Variants in ADGRL3 observed in about 807,000 individuals in gnomAD.
ADGRL3 encodes adhesion G protein-coupled receptor L3, also known as calcium-independent alpha-latrotoxin receptor 3.
Under a neutral mutation model 153.5 loss-of-function variants are expected in ADGRL3, and 62 were observed. The observed-to-expected ratio is 0.40, with a 90% CI of 0.33 to 0.50. ADGRL3 has a LOEUF of 0.50. Among genes scored for constraint, ADGRL3 ranks in the 20% least tolerant of loss-of-function variants. The pLI, the probability that ADGRL3 is intolerant of heterozygous loss-of-function variation, is 0.47. For synonymous variants in ADGRL3, 710 were observed against 672.5 expected, an observed-to-expected ratio of 1.06 and a Z score of -0.86; for missense variants, 1,641 against 1,859.4, an observed-to-expected ratio of 0.88 and a Z score of 2.16.
chr4:61,958,225 AT>A (rs2098974781), intron 17 of ADGRL3, among the ~76,000 whole-genome samples: 2 of 151,832 alleles, frequency 1.3e-5, no homozygotes, highest in Admixed American at 6.6e-5. Flanking sequence ...ATATAAAATA[AT>A]TTTTTTTGAC....
At chr4:61,258,308 A>C (rs2092189745) in intron 1 of ADGRL3, among the ~76,000 whole-genome samples, 2 of 152,276 alleles carry the variant, frequency 1.3e-5, no homozygotes, top group African/African-American at 4.8e-5. Flanking sequence ...AATCCTCTCT[A>C]CATACAGCTC....
chr4:61,559,216 C>T (rs918264285), intron 4 of ADGRL3, among the ~76,000 whole-genome samples: 2 of 152,032 alleles, frequency 1.3e-5, no homozygotes, highest in Admixed American at 6.6e-5. Context: ...ATCATCATCA[C>T]GACCACCACC....
In ADGRL3 at chr4:61,460,794, C is replaced by A. The variant is rs185306716; in HGVS notation, c.-173-36327C>A. ...TTATAAAACCATCAGATCGGCCAGG[C>A]GCAGTGGCTCATGCCTGTAATCCCA... is the stretch of plus-strand genomic sequence containing the variant. On this transcript the variant is annotated intron_variant, in intron 2 of 26. Transcript: ENST00000683033. Among the ~76,000 whole-genome samples the A allele has an allele frequency of 1.9e-3, 291 of 152,194 alleles. 1 individual carries two copies. The highest frequency in any genetic ancestry group is 3.4e-3 in the Middle Eastern group (1 of 294).
chr4:61,863,397 C>T (rs2098367638), intron 9 of ADGRL3, among the ~76,000 whole-genome samples: 2 of 151,362 alleles, frequency 1.3e-5, no homozygotes, highest in African/African-American at 4.9e-5. Context: ...GCCACTACGC[C>T]CGGCTAATTT....
intron 8 of ADGRL3, among the ~76,000 whole-genome samples, chr4:61,761,728 G>A (rs1055205719): frequency 1.1e-4 from 17 of 152,296 alleles, no homozygotes; most frequent in South Asian, 4.1e-4. Flanking sequence ...CCAGAAGTTC[G>A]ATACCAGCCT....
intron 1 of ADGRL3, among the ~76,000 whole-genome samples, chr4:61,378,285 T>C (rs954774892): frequency 6.6e-6 from 1 of 151,964 alleles, no homozygotes; most frequent in East Asian, 1.9e-4. Flanking sequence ...TTTTGTCCAG[T>C]TTTATCATTG....
intron 5 of ADGRL3, among the ~76,000 whole-genome samples, chr4:61,667,238 T>A (rs1279480927): frequency 6.6e-6 from 1 of 152,170 alleles, no homozygotes; most frequent in Admixed American, 6.5e-5. Context: ...TTACCACATT[T>A]TCAAACACAT....
At chr4:61,474,244 G>A (rs1017293564) in intron 2 of ADGRL3, among the ~76,000 whole-genome samples, 2 of 152,146 alleles carry the variant, frequency 1.3e-5, no homozygotes, top group African/African-American at 4.8e-5. Flanking sequence ...TTACATGCAA[G>A]TGTCCTTTTA....
intron 5 of ADGRL3, among the ~76,000 whole-genome samples, chr4:61,620,042 C>T (rs140816609): frequency 1.2e-4 from 18 of 150,770 alleles, no homozygotes; most frequent in African/African-American, 4.2e-4. Flanking sequence ...ATTTAGGATA[C>T]TTTTTCATAT....
chr4:61,829,043 G>A (rs985419572), intron 9 of ADGRL3, among the ~76,000 whole-genome samples: 1 of 152,146 alleles, frequency 6.6e-6, no homozygotes, highest in African/African-American at 2.4e-5. Context: ...AAGACAAGCT[G>A]CTACATTAAT....
At position 62,007,844 on chromosome 4, in the gene ADGRL3, A is replaced by G. The variant is rs138226981; in HGVS notation, c.3395+9579A>G. Among the ~76,000 whole-genome samples, 10 of 152,208 alleles carry G rather than the reference A, an allele frequency of 6.6e-5. No homozygotes were observed. The East Asian group carries it at 1.9e-3, about 30-fold the overall frequency. ...TAAGATATTGAGATTGAGGGTAGATAGTGAAAATAAGAGGACTAGGGACTG... is the reference window on the plus strand; with the variant it reads ...TAAGATATTGAGATTGAGGGTAGATGGTGAAAATAAGAGGACTAGGGACTG... On this transcript the variant is annotated intron_variant, in intron 21 of 26. Coordinates refer to ENST00000683033, the MANE Select transcript of ADGRL3 (RefSeq NM_001387552.1).
At chr4:61,735,998 T>G (rs2096505076) in intron 8 of ADGRL3, among the ~76,000 whole-genome samples, 1 of 152,240 alleles carries the variant, frequency 6.6e-6, no homozygotes, top group South Asian at 2.1e-4. Context: ...CATACAATTT[T>G]AGCATATAAT....
intron 1 of ADGRL3, among the ~76,000 whole-genome samples, chr4:61,266,455 TC>T (rs1290512904): frequency 2.6e-4 from 39 of 151,838 alleles, no homozygotes; most frequent in Admixed American, 3.9e-4. Context: ...AACATGCCAT[TC>T]AATTTTAACA....
chr4:61,958,293 C>T (rs1442862848), intron 17 of ADGRL3, among the ~76,000 whole-genome samples: 4 of 152,162 alleles, frequency 2.6e-5, no homozygotes, highest in African/African-American at 9.6e-5. Context: ...AGACCTCTTA[C>T]ATATCCAAAA....
intron 2 of ADGRL3, among the ~76,000 whole-genome samples, chr4:61,393,634 A>T (rs2152042800): frequency 6.6e-6 from 1 of 152,204 alleles, no homozygotes; most frequent in Non-Finnish European, 1.5e-5. Context: ...ATACATTTTT[A>T]AAAGTTTCAA....
chr4:61,853,569 G>C (rs2098231872), intron 9 of ADGRL3, among the ~76,000 whole-genome samples: 1 of 152,132 alleles, frequency 6.6e-6, no homozygotes, highest in Admixed American at 6.5e-5. Flanking sequence ...TGGCTACAAA[G>C]TTTTATTATT....
At chr4:61,294,001 G>A (rs146026653) in intron 1 of ADGRL3, among the ~76,000 whole-genome samples, 1 of 152,280 alleles carries the variant, frequency 6.6e-6, no homozygotes, top group Non-Finnish European at 1.5e-5. Flanking sequence ...ACCTACACTG[G>A]TATGGACAGT....
intron 4 of ADGRL3, among the ~76,000 whole-genome samples, chr4:61,541,685 T>C (rs141221674): frequency 6.6e-6 from 1 of 152,238 alleles, no homozygotes; most frequent in Admixed American, 6.5e-5. Context: ...CAGAGGCAGC[T>C]CTCTGCTAAA....
At chr4:61,762,344 A>G (rs1185118331) in intron 8 of ADGRL3, among the ~76,000 whole-genome samples, 1 of 152,142 alleles carries the variant, frequency 6.6e-6, no homozygotes, top group Non-Finnish European at 1.5e-5. Flanking sequence ...TTCTTATGTA[A>G]TTCAGTATCT....
Sources: gnomAD v4.1 joint callset for allele counts (sites outside exome capture counted in the v4.1 genomes callset) on GRCh38, gnomAD v4.1.1 for gene constraint, MANE v1.5 for transcripts, NCBI Gene and HGNC (gene_info 2026-07-23, HGNC 2026-07-21) for gene names.